Variants in SGIP1 observed in about 807,000 individuals in gnomAD.
The protein encoded by SGIP1 is SH3GL interacting endocytic adaptor 1.
SGIP1 carries 38 observed loss-of-function variants against 107.5 expected under a neutral mutation model. That is an observed-to-expected ratio of 0.35 (90% confidence interval 0.27 to 0.46). SGIP1 has a LOEUF of 0.46. Ranked by LOEUF, SGIP1 falls within the 20% of genes least tolerant of loss-of-function variation. The probability of loss-of-function intolerance (pLI) is 1.00; values close to 1 mark genes in which losing one functional copy is unlikely to be tolerated. For synonymous variants in SGIP1, 365 were observed against 366.1 expected (o/e 1.00, Z 0.03); for missense variants, 929 against 1,019.5 (o/e 0.91, Z 1.21).
intron 18 of SGIP1, among the ~76,000 whole-genome samples, chr1:66,697,062 T>C (rs999377055): frequency 6.6e-6 from 1 of 152,124 alleles, no homozygotes; most frequent in Non-Finnish European, 1.5e-5. Context: ...AATCATTGTC[T>C]GGGCTCAACA....
chr1:66,617,573 T>C (rs944195412), intron 1 of SGIP1, among the ~76,000 whole-genome samples: 4 of 152,234 alleles, frequency 2.6e-5, no homozygotes, highest in Non-Finnish European at 5.9e-5. Flanking sequence ...CTGTTTTTTA[T>C]TACTGAGACC....
intron 10 of SGIP1, 136 bp from the exon 11 acceptor site, chr1:66,671,808 T>C: frequency 1.3e-6 from 1 of 752,138 alleles, no homozygotes. Context: ...GGGGAGAAGG[T>C]TTGTTTTGCA....
At chr1:66,632,003 A>G (rs2074868517) in intron 2 of SGIP1, among the ~76,000 whole-genome samples, 1 of 152,122 alleles carries the variant, frequency 6.6e-6, no homozygotes, top group South Asian at 2.1e-4. Flanking sequence ...GTTTTCCAAA[A>G]TACCTCTAAT....
intron 4 of SGIP1, among the ~76,000 whole-genome samples, chr1:66,637,122 T>C (rs899019449): frequency 1.3e-5 from 2 of 152,188 alleles, no homozygotes; most frequent in Non-Finnish European, 2.9e-5. Context: ...TGTTGGTGCC[T>C]AACTGATATT....
At chr1:66,536,977 A>G (rs1375589029) in intron 1 of SGIP1, among the ~76,000 whole-genome samples, 2 of 152,180 alleles carry the variant, frequency 1.3e-5, no homozygotes, top group African/African-American at 4.8e-5. Flanking sequence ...GGTCATAGTA[A>G]ACTACGTTTT....
rs1456083520 is a variant in SGIP1 at position 66,589,214 on chromosome 1, A to ATGTGTGTGTGTGTGTGTGTGTG, written c.11-36632_11-36631insGTGTGTGTGTGTGTGTGTGTGT. On this transcript the variant is annotated intron_variant, in intron 1 of 24. Coordinates refer to ENST00000371037, the MANE Select transcript of SGIP1 (RefSeq NM_032291.4). ...TATATATATATATATATATATATATATATGTAAGGCTTGGGGTAAAGAGAA... is the reference window on the plus strand; with the variant it reads ...TATATATATATATATATATATATATATGTGTGTGTGTGTGTGTGTGTGTATGTAAGGCTTGGGGTAAAGAGAA... Among the ~76,000 whole-genome samples the ATGTGTGTGTGTGTGTGTGTGTG allele has an allele frequency of 1.0e-3, 91 of 91,362 alleles. 4 individuals carry two copies. The highest frequency in any genetic ancestry group is 1.3e-3 in the South Asian group (4 of 2,970). The allele number at this position is 91,362 out of a possible 152,430, so 59.9% of individuals were successfully genotyped here. A position where few individuals can be genotyped will look rare whatever the true frequency, so the allele number is the denominator to read the frequency against.
chr1:66,556,275 C>T (rs2058159418), intron 1 of SGIP1, among the ~76,000 whole-genome samples: 1 of 152,084 alleles, frequency 6.6e-6, no homozygotes, highest in Admixed American at 6.5e-5. Context: ...ACAACTTCAC[C>T]CTAGCTGGAG....
At chr1:66,637,047 C>A (rs1261431654) in intron 4 of SGIP1, among the ~76,000 whole-genome samples, 3 of 150,396 alleles carry the variant, frequency 2.0e-5, no homozygotes, top group Non-Finnish European at 1.5e-5. Flanking sequence ...TTAAGAAATA[C>A]AAAAAAAAAG....
chr1:66,644,763 G>A (rs370864631), intron 7 of SGIP1, among the ~76,000 whole-genome samples: 1 of 152,122 alleles, frequency 6.6e-6, no homozygotes, highest in African/African-American at 2.4e-5. Context: ...TAATGGACTT[G>A]ATCACTACTG....
At chr1:66,719,014 A>G (rs1427563890) in intron 18 of SGIP1, among the ~76,000 whole-genome samples, 1 of 152,154 alleles carries the variant, frequency 6.6e-6, no homozygotes, top group Non-Finnish European at 1.5e-5. Context: ...TATGAGAAAC[A>G]TTTGAAAACC....
chr1:66,678,558 A>T (rs1263798611), intron 13 of SGIP1, among the ~76,000 whole-genome samples: 1 of 152,248 alleles, frequency 6.6e-6, no homozygotes, highest in East Asian at 1.9e-4. Flanking sequence ...ATTGACTCTT[A>T]ACTTCTGTGG....
chr1:66,617,141 A>G (rs2069539035), intron 1 of SGIP1, among the ~76,000 whole-genome samples: 1 of 152,196 alleles, frequency 6.6e-6, no homozygotes, highest in Non-Finnish European at 1.5e-5. Context: ...TGAACAGTTC[A>G]TTTTGGTTAG....
Position 66,534,388 on chromosome 1 carries a change from G to A in SGIP1, c.10+20G>A, listed in dbSNP as rs754550081. On this transcript the variant is annotated intron_variant, in intron 1 of 24. Transcript: ENST00000371037. ...TGGAAGGTAGGATGCTTTCTGCTAT[G>A]GTTGACTGGCTTCAGGCAAGGTTTG... is the stretch of plus-strand genomic sequence containing the variant. 37 of 1,613,924 alleles carry A rather than the reference G, an allele frequency of 2.3e-5. No homozygotes were observed. The highest frequency in any genetic ancestry group is 1.1e-5 in the South Asian group (1 of 91,084).
At chr1:66,597,454 C>G (rs546325378) in intron 1 of SGIP1, among the ~76,000 whole-genome samples, 13 of 152,306 alleles carry the variant, frequency 8.5e-5, no homozygotes, top group Non-Finnish European at 8.8e-5. Flanking sequence ...AAAGTGAGAT[C>G]TGGTGCTTTT....
At chr1:66,567,695 G>T (rs1336099365) in intron 1 of SGIP1, among the ~76,000 whole-genome samples, 1 of 152,116 alleles carries the variant, frequency 6.6e-6, no homozygotes, top group Non-Finnish European at 1.5e-5. Flanking sequence ...GTGTAAGGAA[G>T]GGGTCTGGTT....
chr1:66,557,215 G>A (rs558769543), intron 1 of SGIP1, among the ~76,000 whole-genome samples: 2 of 152,202 alleles, frequency 1.3e-5, no homozygotes, highest in East Asian at 3.9e-4. Context: ...AATGTCAAGG[G>A]TGAACTCTAT....
intron 7 of SGIP1, among the ~76,000 whole-genome samples, chr1:66,649,510 A>G (rs902176308): frequency 6.6e-6 from 1 of 152,192 alleles, no homozygotes; most frequent in Non-Finnish European, 1.5e-5. Context: ...TGCAGTGTAA[A>G]GACCACTCTC....
At chr1:66,709,202 C>T (rs1572102966) in intron 18 of SGIP1, among the ~76,000 whole-genome samples, 1 of 149,852 alleles carries the variant, frequency 6.7e-6, no homozygotes, top group East Asian at 2.0e-4. Flanking sequence ...CCCGACAGGC[C>T]CCAGTGTGTG....
At chr1:66,620,951 A>G (rs898402635) in intron 1 of SGIP1, among the ~76,000 whole-genome samples, 5 of 152,202 alleles carry the variant, frequency 3.3e-5, no homozygotes. Context: ...AATTGAGCCA[A>G]TTATTTTAAA....
Sources: gnomAD v4.1 joint callset for allele counts (sites outside exome capture counted in the v4.1 genomes callset) on GRCh38, gnomAD v4.1.1 for gene constraint, MANE v1.5 for transcripts, NCBI Gene and HGNC (gene_info 2026-07-23, HGNC 2026-07-21) for gene names.